The following ANKS1B variants were observed in gnomAD, a reference collection of about 807,000 sequenced individuals.
ANKS1B encodes ankyrin repeat and sterile alpha motif domain containing 1B.
Under a neutral mutation model 148.3 loss-of-function variants are expected in ANKS1B, and 36 were observed. The ratio of observed to expected loss-of-function variants is 0.24; its 90% CI spans 0.19 to 0.32. ANKS1B has a LOEUF of 0.32. Among genes scored for constraint, ANKS1B ranks in the 10% least tolerant of loss-of-function variants. The pLI, the probability that ANKS1B is intolerant of heterozygous loss-of-function variation, is 1.00. For missense variants in ANKS1B, 1,157 were observed against 1,542.6 expected (o/e 0.75, Z 4.19); for synonymous variants, 542 against 560.8 (o/e 0.97, Z 0.47).
rs1348870843 is a variant in ANKS1B, at chr12:99,363,369, A to G, written c.1756+36262T>C. Among the ~76,000 whole-genome samples, 4 of 152,186 alleles carry G rather than the reference A, an allele frequency of 2.6e-5. No individual in the cohort carries two copies. In the East Asian group the frequency reaches 7.7e-4, roughly 29 times the overall value. On this transcript the variant is annotated intron_variant, in intron 12 of 26. Coordinates refer to ENST00000683438, the MANE Select transcript of ANKS1B (RefSeq NM_001352186.2). ...AGACTTGTTCATTATTTTACCATTGACTTAAGTAAAAAAGCAGATGAAATG... is the reference window on the plus strand; with the variant it reads ...AGACTTGTTCATTATTTTACCATTGGCTTAAGTAAAAAAGCAGATGAAATG...
chr12:99,182,565 T>C (rs2079248753), intron 14 of ANKS1B, among the ~76,000 whole-genome samples: 1 of 152,226 alleles, frequency 6.6e-6, no homozygotes, highest in African/African-American at 2.4e-5. Context: ...AATTCATCTG[T>C]TGGACACTTG....
At chr12:99,202,943 T>C (rs1158643313) in intron 14 of ANKS1B, among the ~76,000 whole-genome samples, 1 of 152,148 alleles carries the variant, frequency 6.6e-6, no homozygotes, top group Admixed American at 6.5e-5. Flanking sequence ...TTTCTGCAAG[T>C]TGGATGAGCC....
intron 12 of ANKS1B, among the ~76,000 whole-genome samples, chr12:99,398,083 G>A (rs2094301693): frequency 1.3e-5 from 2 of 152,152 alleles, no homozygotes; most frequent in Admixed American, 1.3e-4. Flanking sequence ...TAAGGAGTTG[G>A]GTTTTATTCT....
At chr12:99,124,590 A>G (rs2063787429) in intron 15 of ANKS1B, among the ~76,000 whole-genome samples, 1 of 152,198 alleles carries the variant, frequency 6.6e-6, no homozygotes, top group Admixed American at 6.5e-5. Context: ...TAAAGATACA[A>G]CTGTAAGAGT....
At chr12:98,861,504 C>T (rs929595219) in intron 17 of ANKS1B, among the ~76,000 whole-genome samples, 2 of 152,162 alleles carry the variant, frequency 1.3e-5, no homozygotes, top group Non-Finnish European at 1.5e-5. Flanking sequence ...TCACTAGCTT[C>T]GCTCAGCAAA....
chr12:99,103,505 T>A (rs1600080235), intron 15 of ANKS1B, among the ~76,000 whole-genome samples: 1 of 152,246 alleles, frequency 6.6e-6, no homozygotes, highest in Non-Finnish European at 1.5e-5. Context: ...TATCTATGTC[T>A]CACTTTCATC....
chr12:98,860,190 T>C lies in ANKS1B; in HGVS notation c.2779-28054A>G, dbSNP rs191147446. Among the ~76,000 whole-genome samples the C allele has an allele frequency of 3.5e-4, 53 of 152,362 alleles. 2 individuals carry two copies. The East Asian group carries it at 0.01, about 29-fold the overall frequency. On this transcript the variant is annotated intron_variant, in intron 17 of 26. Transcript: ENST00000683438. ...AAAGACCTGAATATCCTGATACACA[T>C]CCTTTCACACCTGGATGCCAAACAC...
At chr12:99,651,105 C>T in intron 9 of ANKS1B, among the ~76,000 whole-genome samples, 1 of 152,030 alleles carries the variant, frequency 6.6e-6, no homozygotes, top group Admixed American at 6.5e-5. Context: ...TAGTACTGTA[C>T]TAATTGTACA....
intron 12 of ANKS1B, among the ~76,000 whole-genome samples, chr12:99,349,104 T>C (rs1271398296): frequency 6.6e-6 from 1 of 151,900 alleles, no homozygotes; most frequent in Non-Finnish European, 1.5e-5. Flanking sequence ...TGGGTATTAA[T>C]TCAAACTCGA....
chr12:98,825,835 T>C (rs1157468109), intron 19 of ANKS1B, among the ~76,000 whole-genome samples: 4 of 152,224 alleles, frequency 2.6e-5, no homozygotes, highest in Non-Finnish European at 5.9e-5. Flanking sequence ...ATATTTTCCA[T>C]TTACTATCTC....
chr12:99,054,281 T>C (rs961032536), intron 16 of ANKS1B, among the ~76,000 whole-genome samples: 9 of 152,306 alleles, frequency 5.9e-5, no homozygotes, highest in East Asian at 1.9e-4. Context: ...AAACACAACA[T>C]AGATTTTCCT....
chr12:99,074,937 A>G (rs1442698685), intron 16 of ANKS1B, among the ~76,000 whole-genome samples: 1 of 152,186 alleles, frequency 6.6e-6, no homozygotes, highest in Non-Finnish European at 1.5e-5. Context: ...AAATTAGTCA[A>G]CAGGTGGTTT....
chr12:99,876,431 A>G (rs141355850), intron 1 of ANKS1B, among the ~76,000 whole-genome samples: 1 of 152,246 alleles, frequency 6.6e-6, no homozygotes, highest in African/African-American at 2.4e-5. Flanking sequence ...AATTCAAGAA[A>G]GAAGAAAGAG....
chr12:99,541,397 T>C (rs1186468090), intron 9 of ANKS1B, among the ~76,000 whole-genome samples: 1 of 152,138 alleles, frequency 6.6e-6, no homozygotes, highest in Non-Finnish European at 1.5e-5. Flanking sequence ...GCTGGCAAAC[T>C]AAATGCAACA....
intron 11 of ANKS1B, among the ~76,000 whole-genome samples, chr12:99,416,168 T>G (rs894118643): frequency 1.3e-5 from 2 of 152,226 alleles, no homozygotes; most frequent in African/African-American, 4.8e-5. Flanking sequence ...TTCTGCAGAT[T>G]CATCCAAGCT....
intron 4 of ANKS1B, among the ~76,000 whole-genome samples, chr12:99,802,215 T>TAATA: frequency 6.6e-6 from 1 of 152,324 alleles, no homozygotes. Flanking sequence ...TCATTTCCTT[T>TAATA]AATAGTCACA....
chr12:99,683,091 T>C (rs1475466408), intron 8 of ANKS1B, among the ~76,000 whole-genome samples: 1 of 152,122 alleles, frequency 6.6e-6, no homozygotes, highest in Non-Finnish European at 1.5e-5. Context: ...TCGTGAGACT[T>C]ATACACTACC....
Position 98,852,553 on chromosome 12 carries a change from G to A in ANKS1B, c.2779-20417C>T, listed in dbSNP as rs959259186. 3.3e-5 allele frequency among the ~76,000 whole-genome samples: 5 copies of A among 152,112 alleles called. No homozygotes were observed. In the East Asian group the frequency reaches 7.7e-4, roughly 23 times the overall value. On this transcript the variant is annotated intron_variant, in intron 17 of 26. Coordinates refer to ENST00000683438, the MANE Select transcript of ANKS1B (RefSeq NM_001352186.2). ...GGAGTGTTGAGAAAAAGTGGGCAAG[G>A]GAGGACAAAGAACCCTCACATGGGC...
chr12:99,513,558 C>T (rs548268233), intron 9 of ANKS1B, among the ~76,000 whole-genome samples: 2 of 151,962 alleles, frequency 1.3e-5, no homozygotes, highest in South Asian at 4.2e-4. Flanking sequence ...TTAAGTTTTC[C>T]TCAAATCATT....
Sources: allele counts gnomAD v4.1 joint callset (sites outside exome capture counted in the v4.1 genomes callset), GRCh38; gene constraint gnomAD v4.1.1; transcripts MANE v1.5; gene names NCBI Gene and HGNC (gene_info 2026-07-23, HGNC 2026-07-21).